The following WDR41 variants were observed in gnomAD, a reference collection of about 807,000 sequenced individuals.
The protein encoded by WDR41 is WD repeat domain 41, also known as WD repeat-containing protein 41.
WDR41 carries 63 observed loss-of-function variants against 69.3 expected under a neutral mutation model. The observed-to-expected ratio is 0.91, with a 90% CI of 0.74 to 1.12. The LOEUF (loss-of-function observed/expected upper bound fraction) is 1.12, where lower values mean the gene tolerates loss of function less well. Ranked by LOEUF, WDR41 falls within the 50% of genes most tolerant of loss-of-function variation. WDR41 has a pLI of 0.00. For synonymous variants in WDR41, 185 were observed against 192.1 expected, an observed-to-expected ratio of 0.96 and a Z score of 0.31; for missense variants, 543 against 534.5, an observed-to-expected ratio of 1.02 and a Z score of -0.16.
intron 1 of WDR41, among the ~76,000 whole-genome samples, chr5:77,512,850 C>T (rs1004423007): frequency 1.3e-5 from 2 of 151,222 alleles, no homozygotes; most frequent in Non-Finnish European, 2.9e-5. Context: ...TATATAAATG[C>T]ATTATTTTAT....
intron 1 of WDR41, among the ~76,000 whole-genome samples, chr5:77,502,055 G>T (rs1435407404): frequency 1.3e-5 from 2 of 152,076 alleles, no homozygotes; most frequent in East Asian, 3.9e-4. Flanking sequence ...CAGAAAGTTG[G>T]TAATAACAAA....
chr5:77,492,399 A>G (rs1412805719), upstream of WDR41: 2 of 756,722 alleles, frequency 2.6e-6, no homozygotes. Flanking sequence ...TTTGTCCCCA[A>G]AGCGCTCCCG....
At chr5:77,441,570 C>T (rs1307774814) in intron 8 of WDR41, among the ~76,000 whole-genome samples, 2 of 152,110 alleles carry the variant, frequency 1.3e-5, no homozygotes, top group African/African-American at 4.8e-5. Context: ...GAAACCCCAT[C>T]TCTACTAAAA....
intron 1 of WDR41, among the ~76,000 whole-genome samples, chr5:77,558,545 C>T (rs1306009223): frequency 6.6e-6 from 1 of 152,172 alleles, no homozygotes; most frequent in Non-Finnish European, 1.5e-5. Flanking sequence ...AGGCTGAGGT[C>T]ATTTCCAATT....
intron 1 of WDR41, among the ~76,000 whole-genome samples, chr5:77,617,949 G>T (rs1744707818): frequency 6.6e-6 from 1 of 152,202 alleles, no homozygotes. Context: ...ATGGGCTGCA[G>T]AGGGAGATGT....
rs556300584 is a variant in WDR41 at position 77,508,896 on chromosome 5, G to A, written c.43-19324C>T. Among the ~76,000 whole-genome samples the A allele has an allele frequency of 5.3e-5, 8 of 152,262 alleles. No homozygotes were observed. In the South Asian group the frequency reaches 1.0e-3, roughly 20 times the overall value. On this transcript the variant is annotated intron_variant, in intron 1 of 5. Transcript: ENST00000509971. ...GACTGATCTTAGCAGGGCTCTCTTC[G>A]TTTATCTGATTTCACTTTAAAACCT...
chr5:77,530,565 T>A (rs940115388), intron 1 of WDR41, among the ~76,000 whole-genome samples: 1 of 151,662 alleles, frequency 6.6e-6, no homozygotes. Context: ...TAGGCAAAAC[T>A]AATCTATAGT....
intron 2 of WDR41, among the ~76,000 whole-genome samples, chr5:77,486,108 G>A (rs370447442): frequency 2.0e-5 from 3 of 152,030 alleles, no homozygotes; most frequent in Admixed American, 1.3e-4. Context: ...AAAAACATTC[G>A]GTTAATTCTG....
intron 1 of WDR41, among the ~76,000 whole-genome samples, chr5:77,514,279 A>G (rs578164549): frequency 6.6e-6 from 1 of 152,300 alleles, no homozygotes; most frequent in East Asian, 1.9e-4. Context: ...TCCAGTTACA[A>G]TAGCCTAGAC....
chr5:77,502,479 T>C (rs1393939928), intron 1 of WDR41, among the ~76,000 whole-genome samples: 2 of 152,122 alleles, frequency 1.3e-5, no homozygotes, highest in Non-Finnish European at 2.9e-5. Context: ...ATCCCCAACC[T>C]AGCAAGGCAG....
intron 1 of WDR41, among the ~76,000 whole-genome samples, chr5:77,584,506 A>T (rs1407516845): frequency 1.3e-5 from 2 of 152,218 alleles, no homozygotes; most frequent in Non-Finnish European, 2.9e-5. Context: ...CACTAAATTT[A>T]AGAAGTAAAT....
chr5:77,583,203 G>T, intron 1 of WDR41: 1 of 777,570 alleles, frequency 1.3e-6, no homozygotes, highest in Non-Finnish European at 2.0e-6. Context: ...AAAAAAAAGT[G>T]CAGAGGTTGA....
intron 1 of WDR41, among the ~76,000 whole-genome samples, chr5:77,556,400 C>A (rs1018177658): frequency 5.3e-5 from 8 of 150,406 alleles, no homozygotes; most frequent in African/African-American, 2.0e-4. Context: ...CCGTTGCACC[C>A]GACTGACTGA....
At chr5:77,495,761 C>T (rs371468649), upstream of WDR41, among the ~76,000 whole-genome samples, 1 of 150,946 alleles carries the variant, frequency 6.6e-6, no homozygotes, top group South Asian at 2.1e-4. Flanking sequence ...TTTTTAACTC[C>T]TTATACAAGG....
At chr5:77,434,108 C>G (rs796298530) in intron 12 of WDR41, among the ~76,000 whole-genome samples, 46 of 152,032 alleles carry the variant, frequency 3.0e-4, no homozygotes, top group African/African-American at 1.1e-3. Flanking sequence ...GGTGGGTGGA[C>G]TGCCTGAGGT....
At chr5:77,581,487 A>C (rs1455745106) in intron 1 of WDR41, among the ~76,000 whole-genome samples, 1 of 152,148 alleles carries the variant, frequency 6.6e-6, no homozygotes, top group African/African-American at 2.4e-5. Flanking sequence ...GACTTGAGAA[A>C]CTCTATAAAC....
chr5:77,503,801 A>T (rs1802057995), intron 1 of WDR41, among the ~76,000 whole-genome samples: 1 of 152,240 alleles, frequency 6.6e-6, no homozygotes, highest in African/African-American at 2.4e-5. Flanking sequence ...ACATGAAGGC[A>T]GAAATAAAGA....
At chr5:77,450,057 G>C (rs1272656724) in intron 7 of WDR41, among the ~76,000 whole-genome samples, 187 bp from the exon 8 acceptor site, 1 of 152,126 alleles carries the variant, frequency 6.6e-6, no homozygotes, top group African/African-American at 2.4e-5. Context: ...TGTTTGAGAT[G>C]ATCTACTAAA....
intron 1 of WDR41, among the ~76,000 whole-genome samples, chr5:77,512,767 T>C (rs1278640588): frequency 7.5e-6 from 1 of 134,132 alleles, no homozygotes; most frequent in South Asian, 2.3e-4. Flanking sequence ...AAAAAAAAAA[T>C]TGGTCAGGCG....
Sources: gnomAD v4.1 joint callset for allele counts (sites outside exome capture counted in the v4.1 genomes callset) on GRCh38, gnomAD v4.1.1 for gene constraint, MANE v1.5 for transcripts, NCBI Gene and HGNC (gene_info 2026-07-23, HGNC 2026-07-21) for gene names.